YES1: variants seen among roughly 807,000 people sequenced by gnomAD.
YES1 encodes YES proto-oncogene 1, Src family tyrosine kinase, also known as tyrosine-protein kinase Yes.
In YES1, 39 loss-of-function variants were observed where a neutral mutation model predicts 70.4. That is an observed-to-expected ratio of 0.55 (90% CI 0.43 to 0.72). The LOEUF is 0.72. Ranked by LOEUF, YES1 falls within the 30% of genes least tolerant of loss-of-function variation. YES1 has a pLI of 0.00. For synonymous variants in YES1, 198 were observed against 218.6 expected, an observed-to-expected ratio of 0.91 and a Z score of 0.83; for missense variants, 495 against 644.8, an observed-to-expected ratio of 0.77 and a Z score of 2.52.
intron 11 of YES1, among the ~76,000 whole-genome samples, chr18:732,523 A>G (rs1054122621): frequency 7.3e-5 from 11 of 151,638 alleles, no homozygotes; most frequent in Admixed American, 7.2e-4. Flanking sequence ...GAGCCAGGAT[A>G]TTTAAGATAT....
Position 745,836 on chromosome 18 carries a change from C to T in YES1, c.596G>A (p.Arg199His), listed in dbSNP as rs185293600. 4.5e-5 allele frequency: 72 copies of T among 1,612,318 alleles called. 1 individual carries two copies. The East Asian group carries it at 1.2e-3, about 27-fold the overall frequency. ...TTKGAYSLSI[R>H]DWDEIRGDNV... is the part of the protein sequence containing the mutation. ...GTCACCCCTTATCTCATCCCAATCACGAATAGAAAGGGAATAAGCACCTGG... is the reference window on the plus strand; with the variant it reads ...GTCACCCCTTATCTCATCCCAATCATGAATAGAAAGGGAATAAGCACCTGG... Residue 199 changes from arginine to histidine, a missense_variant, in exon 6 of 12, where the codon CGT becomes CAT. Arg to His is a conservative substitution (Grantham distance 29). This residue lies in a region of YES1 where 385 missense variants were observed against 540.9 expected (regional missense o/e 0.71). Coordinates refer to ENST00000314574, the MANE Select transcript of YES1 (RefSeq NM_005433.4).
Position 774,216 on chromosome 18 carries a change from C to T in YES1, c.-8-17381G>A, listed in dbSNP as rs149171794. Reference sequence around the variant, plus strand: ...TTCTCAGTCTCCTTTGCTAACTGTTCCTCATCTCCCTGACATCTACACACT... The same window carrying T: ...TTCTCAGTCTCCTTTGCTAACTGTTTCTCATCTCCCTGACATCTACACACT... On this transcript the variant is annotated intron_variant, in intron 1 of 11. Coordinates refer to ENST00000314574, the MANE Select transcript of YES1 (RefSeq NM_005433.4). Among the ~76,000 whole-genome samples the T allele has an allele frequency of 1.5e-3, 228 of 149,306 alleles. 1 individual carries two copies. Among genetic ancestry groups the T allele is most frequent in the African/African-American group, 5.1e-3 (207 of 40,452 alleles).
intron 10 of YES1, chr18:735,895 G>C (rs2080147115): frequency 1.3e-5 from 2 of 152,304 alleles, no homozygotes; most frequent in Admixed American, 1.3e-4. Context: ...TACAGGCCGG[G>C]CATGGTGTCT....
rs937718241 is a variant in YES1 at position 759,129 on chromosome 18, T to A, written c.-8-2294A>T. Among the ~76,000 whole-genome samples the A allele has an allele frequency of 3.4e-4, 52 of 152,226 alleles. 1 individual carries two copies. Among genetic ancestry groups the A allele is most frequent in the Admixed American group, 6.5e-5 (1 of 15,274 alleles). On this transcript the variant is annotated intron_variant, in intron 1 of 11. Transcript: ENST00000314574. ...CAGAATTGGGTTTTAGATCACTCTC[T>A]TAAATTGGTATATTCTAAAGATGTG... is the stretch of plus-strand genomic sequence containing the variant.
chr18:779,149 C>A (rs992610260), intron 1 of YES1, among the ~76,000 whole-genome samples: 1 of 152,010 alleles, frequency 6.6e-6, no homozygotes, highest in Non-Finnish European at 1.5e-5. Flanking sequence ...AGTGGCTGAT[C>A]CCAGCAGTTT....
At chr18:728,775 C>T (rs1200611436) in intron 11 of YES1, among the ~76,000 whole-genome samples, 4 of 152,214 alleles carry the variant, frequency 2.6e-5, no homozygotes, top group Non-Finnish European at 5.9e-5. Flanking sequence ...CCACTGGCCT[C>T]GACCTCCCAA....
chr18:810,556 G>A (rs531495951), intron 1 of YES1, among the ~76,000 whole-genome samples: 1 of 152,236 alleles, frequency 6.6e-6, no homozygotes, highest in African/African-American at 2.4e-5. Flanking sequence ...TTACAACAGA[G>A]TATATATTTT....
intron 11 of YES1, among the ~76,000 whole-genome samples, chr18:729,699 T>C (rs1194636308): frequency 3.0e-5 from 4 of 134,666 alleles, no homozygotes; most frequent in Non-Finnish European, 6.2e-5. Flanking sequence ...CAATCTCAGC[T>C]CACTGCAACC....
At chr18:735,502 T>G (rs1160669053) in intron 10 of YES1, among the ~76,000 whole-genome samples, 3 of 143,230 alleles carry the variant, frequency 2.1e-5, no homozygotes, top group Non-Finnish European at 4.6e-5. Context: ...GGGGAAAGGT[T>G]GGGGGGTGGA....
intron 4 of YES1, among the ~76,000 whole-genome samples, chr18:746,309 G>A (rs1054546593): frequency 3.3e-5 from 5 of 152,120 alleles, no homozygotes; most frequent in African/African-American, 9.7e-5. Flanking sequence ...ACAGTCACAG[G>A]AACAGTAGAG....
chr18:786,993 C>T (rs1415162470), intron 1 of YES1, among the ~76,000 whole-genome samples: 3 of 145,218 alleles, frequency 2.1e-5, no homozygotes, highest in Non-Finnish European at 4.5e-5. Context: ...ACATAACTAG[C>T]ACAAATAATG....
intron 10 of YES1, among the ~76,000 whole-genome samples, chr18:733,843 C>T (rs1598889414): frequency 7.0e-6 from 1 of 143,144 alleles, no homozygotes; most frequent in African/African-American, 2.6e-5. Flanking sequence ...AAACTTATTG[C>T]AGAAATAATA....
At chr18:764,055 G>A (rs1904737799) in intron 1 of YES1, among the ~76,000 whole-genome samples, 1 of 150,140 alleles carries the variant, frequency 6.7e-6, no homozygotes, top group Non-Finnish European at 1.5e-5. Context: ...GGGAGGCGGA[G>A]CTTGCAGTGA....
chr18:802,675 A>G (rs1906887065), intron 1 of YES1, among the ~76,000 whole-genome samples: 1 of 152,222 alleles, frequency 6.6e-6, no homozygotes, highest in African/African-American at 2.4e-5. Flanking sequence ...AAGTTATGGC[A>G]TATGGAACAG....
At position 722,905 on chromosome 18, in the gene YES1, A is replaced by G. The variant is rs1226508550; in HGVS notation, c.*1519T>C. 6.6e-6 allele frequency: 1 copy of G among 152,232 alleles called. No individual in the cohort carries two copies. The highest frequency in any genetic ancestry group is 1.5e-5 in the Non-Finnish European group (1 of 68,064). The allele number at this position is 152,232 out of a possible 1,614,324, so 9.4% of individuals were successfully genotyped here. On this transcript the variant is annotated 3_prime_UTR_variant, in exon 12 of 12. Coordinates refer to ENST00000314574, the MANE Select transcript of YES1 (RefSeq NM_005433.4). ...CAGGAGATCGAGACTATCCTGGCTA[A>G]CACGGTGAAACTGCGTCTCTACTAA...
chr18:803,182 C>T (rs1330721743), intron 1 of YES1, among the ~76,000 whole-genome samples: 1 of 152,164 alleles, frequency 6.6e-6, no homozygotes, highest in African/African-American at 2.4e-5. Flanking sequence ...TTGCAGTGAG[C>T]CAAGGTTTTG....
intron 1 of YES1, among the ~76,000 whole-genome samples, chr18:778,238 TTC>T (rs1471641524): frequency 2.6e-5 from 4 of 152,254 alleles, no homozygotes; most frequent in Admixed American, 6.5e-5. Context: ...ACTGCATTCT[TTC>T]TACTACCCAT....
chr18:763,947 C>A (rs548737117), intron 1 of YES1, among the ~76,000 whole-genome samples: 2 of 151,626 alleles, frequency 1.3e-5, no homozygotes, highest in Non-Finnish European at 2.9e-5. Context: ...GGGCGAAAAC[C>A]CGTTTCTACA....
chr18:743,111 AC>A lies in YES1; in HGVS notation c.881-15del. On this transcript the variant is annotated splice_polypyrimidine_tract_variant and intron_variant, in intron 7 of 11. Transcript: ENST00000314574. Reference sequence around the variant, plus strand: ...CATTCCATGTTCCTAAAGAAATAACACATTTTAGGAATTTATATTTTAAAGG... The same window carrying A: ...CATTCCATGTTCCTAAAGAAATAACAATTTTAGGAATTTATATTTTAAAGG... 6.4e-7 allele frequency: 1 copy of A among 1,566,552 alleles called. No individual in the cohort carries two copies. Among genetic ancestry groups the A allele is most frequent in the Non-Finnish European group, 8.6e-7 (1 of 1,161,058 alleles).
Sources: allele counts gnomAD v4.1 joint callset (sites outside exome capture counted in the v4.1 genomes callset), GRCh38; gene constraint gnomAD v4.1.1; regional missense constraint gnomAD v4.1.1; transcripts MANE v1.5; gene names NCBI Gene and HGNC (gene_info 2026-07-23, HGNC 2026-07-21).